The following TPH2 variants were observed in gnomAD, a reference collection of about 807,000 sequenced individuals.
The protein encoded by TPH2 is tryptophan 5-hydroxylase 2.
TPH2 carries 27 observed loss-of-function variants against 59.1 expected under a neutral mutation model. That is an observed-to-expected ratio of 0.46 (90% confidence interval 0.34 to 0.63). TPH2 has a LOEUF of 0.63. Ranked by LOEUF, TPH2 falls within the 30% of genes least tolerant of loss-of-function variation. TPH2 has a pLI of 0.01. For missense variants in TPH2, 523 were observed against 588.3 expected, an observed-to-expected ratio of 0.89 and a Z score of 1.15; for synonymous variants, 220 against 210.5, an observed-to-expected ratio of 1.05 and a Z score of -0.39.
rs184022672 is a variant in TPH2 at position 71,982,048 on chromosome 12, C to G, written c.941+2961C>G. ...TTTTTTTTTTAGACAGAGTCTCACT[C>G]TGTCAGGTGTAGTGGTGCAATCTCA... On this transcript the variant is annotated intron_variant, in intron 7 of 10. Transcript: ENST00000333850. Among the ~76,000 whole-genome samples the G allele has an allele frequency of 2.8e-4, 12 of 42,358 alleles. 1 individual carries two copies. The East Asian group carries it at 6.4e-3, about 23-fold the overall frequency. 27.8% of individuals were successfully genotyped at this position (42,358 alleles called of 152,430 possible).
intron 5 of TPH2, among the ~76,000 whole-genome samples, chr12:71,951,629 T>G (rs1299978287): frequency 6.6e-6 from 1 of 152,220 alleles, no homozygotes; most frequent in African/African-American, 2.4e-5. Context: ...ATTATAGGTG[T>G]TTGCCATTGT....
chr12:72,005,390 CAT>C (rs72150101), intron 8 of TPH2, among the ~76,000 whole-genome samples: 77,115 of 151,736 alleles, frequency 0.51, 19,973 homozygotes, highest in Middle Eastern at 0.59. Context: ...AAAAAGATAA[CAT>C]ATATTTATTG....
At chr12:72,007,631 G>A (rs1872990044) in intron 8 of TPH2, among the ~76,000 whole-genome samples, 1 of 152,024 alleles carries the variant, frequency 6.6e-6, no homozygotes, top group Non-Finnish European at 1.5e-5. Flanking sequence ...GGTACACAGG[G>A]GTCCTATGTT....
At position 72,031,874 on chromosome 12, in the gene TPH2, A is replaced by G. The variant is rs1298635163; in HGVS notation, c.*179A>G. 4 of 692,468 alleles carry G rather than the reference A, an allele frequency of 5.8e-6. No homozygotes were observed. Among genetic ancestry groups the G allele is most frequent in the East Asian group, 2.7e-5 (1 of 36,786 alleles). The allele number at this position is 692,468 out of a possible 1,614,324, so 42.9% of individuals were successfully genotyped here. A position where few individuals can be genotyped will look rare whatever the true frequency, so the allele number is the denominator to read the frequency against. On this transcript the variant is annotated 3_prime_UTR_variant, in exon 11 of 11. Coordinates refer to ENST00000333850, the MANE Select transcript of TPH2 (RefSeq NM_173353.4). ...TATATAAAGCACCATAAGAAATCCA[A>G]TGGCAGATAACCACTCATTGTATGA...
chr12:71,985,521 C>T (rs952519253), intron 7 of TPH2, among the ~76,000 whole-genome samples: 4 of 152,094 alleles, frequency 2.6e-5, no homozygotes, highest in African/African-American at 9.7e-5. Flanking sequence ...GCCTCAGCCT[C>T]CTGAGTAGCT....
At position 71,938,928 on chromosome 12, in the gene TPH2, C is replaced by T. The variant is rs1410536837; in HGVS notation, c.-59C>T. On this transcript the variant is annotated 5_prime_UTR_variant, in exon 1 of 11. Transcript: ENST00000333850. ...GCCCCTTCCTCTCAATCTCCGCCAG[C>T]GCTGCTACTGCCCCTCTAGTACCCC... is the stretch of plus-strand genomic sequence containing the variant. The T allele has an allele frequency of 3.9e-5, 55 of 1,422,364 alleles. No homozygotes were observed. Among genetic ancestry groups the T allele is most frequent in the Non-Finnish European group, 3.8e-5 (38 of 1,007,886 alleles). 88.1% of individuals were successfully genotyped at this position (1,422,364 alleles called of 1,614,324 possible). A position where few individuals can be genotyped will look rare whatever the true frequency, so the allele number is the denominator to read the frequency against.
chr12:71,972,914 T>A (rs1479783709), intron 6 of TPH2, among the ~76,000 whole-genome samples, 199 bp downstream of exon 6: 1 of 152,168 alleles, frequency 6.6e-6, no homozygotes, highest in Non-Finnish European at 1.5e-5. Context: ...CTCAGGAGCT[T>A]GCTGAGGCCT....
chr12:72,025,579 G>A (rs1382966663), intron 9 of TPH2, among the ~76,000 whole-genome samples: 2 of 152,086 alleles, frequency 1.3e-5, no homozygotes, highest in African/African-American at 2.4e-5. Context: ...GTAAAAGTTA[G>A]CATAAATCTT....
At chr12:71,956,070 C>T (rs1487759201) in intron 5 of TPH2, among the ~76,000 whole-genome samples, 1 of 152,158 alleles carries the variant, frequency 6.6e-6, no homozygotes, top group Non-Finnish European at 1.5e-5. Flanking sequence ...GACCTGCTTC[C>T]AATATGGTTA....
intron 8 of TPH2, among the ~76,000 whole-genome samples, chr12:72,011,821 G>C (rs61441298): frequency 0.046 from 7,061 of 152,210 alleles, 306 homozygotes; most frequent in East Asian, 0.17. Flanking sequence ...TGGTGTCTTA[G>C]GGCCTGACTG....
At chr12:72,031,475 C>A (rs1468432947) in intron 10 of TPH2, 46 bp from the exon 11 acceptor site, 5 of 1,609,986 alleles carry the variant, frequency 3.1e-6, no homozygotes, top group South Asian at 1.1e-5. Context: ...TCCCTCGTAC[C>A]AATGAGGGTT....
intron 5 of TPH2, among the ~76,000 whole-genome samples, chr12:71,971,067 G>C (rs1309618437): frequency 6.6e-6 from 1 of 152,172 alleles, no homozygotes. Context: ...GCAGCTAGGG[G>C]ATCTGTTTGA....
At chr12:71,995,289 C>T (rs1872666877) in intron 8 of TPH2, among the ~76,000 whole-genome samples, 1 of 152,138 alleles carries the variant, frequency 6.6e-6, no homozygotes, top group South Asian at 2.1e-4. Context: ...ATATGCTGTA[C>T]CCTAGCTCCA....
intron 5 of TPH2, among the ~76,000 whole-genome samples, chr12:71,954,187 C>T (rs1345160170): frequency 1.3e-5 from 2 of 152,086 alleles, no homozygotes; most frequent in Non-Finnish European, 2.9e-5. Context: ...GGGAAAGCGC[C>T]GGCATGCTAA....
intron 5 of TPH2, chr12:71,962,418 A>ATT (rs1871711728): frequency 1.0e-6 from 1 of 985,214 alleles, no homozygotes; most frequent in Admixed American, 6.1e-5. Flanking sequence ...CCTGGTGAAA[A>ATT]TTTTGGTTAC....
chr12:71,986,177 AT>A (rs1359010634), intron 7 of TPH2, among the ~76,000 whole-genome samples: 3 of 152,228 alleles, frequency 2.0e-5, no homozygotes, highest in Non-Finnish European at 2.9e-5. Context: ...TCGGCAAGCC[AT>A]TTAACCTCCC....
chr12:71,951,950 G>T (rs1871361147), intron 5 of TPH2, among the ~76,000 whole-genome samples: 1 of 152,116 alleles, frequency 6.6e-6, no homozygotes, highest in Non-Finnish European at 1.5e-5. Flanking sequence ...GCTTGAACCT[G>T]GGAGGCAGAG....
chr12:71,989,990 TAC>T (rs1872544904), intron 7 of TPH2, among the ~76,000 whole-genome samples: 1 of 151,884 alleles, frequency 6.6e-6, no homozygotes, highest in Non-Finnish European at 1.5e-5. Context: ...CATGATGTTT[TAC>T]AGTGTTAACA....
chr12:71,999,058 A>G (rs1356576598), intron 8 of TPH2, among the ~76,000 whole-genome samples: 5 of 152,246 alleles, frequency 3.3e-5, no homozygotes, highest in Admixed American at 6.5e-5. Flanking sequence ...AAATCCATCT[A>G]AAGAAGAAAA....
Sources: gnomAD v4.1 joint callset for allele counts (sites outside exome capture counted in the v4.1 genomes callset) on GRCh38, gnomAD v4.1.1 for gene constraint, MANE v1.5 for transcripts, NCBI Gene and HGNC (gene_info 2026-07-23, HGNC 2026-07-21) for gene names.